FAM53B: variants seen among roughly 807,000 people sequenced by gnomAD.
The protein encoded by FAM53B is protein FAM53B.
In FAM53B, 12 loss-of-function variants were observed where a neutral mutation model predicts 32.7. That is an observed-to-expected ratio of 0.37 (90% CI 0.24 to 0.59). The LOEUF (loss-of-function observed/expected upper bound fraction) is 0.59. FAM53B is among the 20% of genes least tolerant of loss of function. The pLI is 0.72. For missense variants in FAM53B, 477 were observed against 577.7 expected, an observed-to-expected ratio of 0.83 and a Z score of 1.79; for synonymous variants, 234 against 228.7, an observed-to-expected ratio of 1.02 and a Z score of -0.21.
At chr10:124,709,822 T>G (rs1478969337) in intron 1 of FAM53B, among the ~76,000 whole-genome samples, 30 of 145,046 alleles carry the variant, frequency 2.1e-4, no homozygotes, top group African/African-American at 5.7e-4. Flanking sequence ...AGTGACAGAG[T>G]GAGTCTCTGC....
At chr10:124,726,053 C>T (rs1950100932) in intron 1 of FAM53B, among the ~76,000 whole-genome samples, 1 of 152,152 alleles carries the variant, frequency 6.6e-6, no homozygotes, top group African/African-American at 2.4e-5. Flanking sequence ...AAGTTTCAGT[C>T]CCCGACCCCA....
chr10:124,681,231 G>A (rs139056922), intron 4 of FAM53B, among the ~76,000 whole-genome samples: 67 of 152,268 alleles, frequency 4.4e-4, no homozygotes, highest in Middle Eastern at 3.4e-3. Flanking sequence ...GAACCCCAGT[G>A]TGTGTGTATA....
intron 4 of FAM53B, among the ~76,000 whole-genome samples, chr10:124,643,726 AAAACGTGATTTCCCC>A (rs1238634761): frequency 2.0e-5 from 3 of 152,214 alleles, no homozygotes; most frequent in Admixed American, 6.5e-5. Context: ...AGGCTAATTA[AAAACGTGATTTCCCC>A]CACAGGGCTG....
chr10:124,718,835 C>T (rs1950051570), intron 1 of FAM53B, among the ~76,000 whole-genome samples: 1 of 152,186 alleles, frequency 6.6e-6, no homozygotes, highest in Non-Finnish European at 1.5e-5. Flanking sequence ...AATGCTTGAG[C>T]CCAAGAGTTC....
At chr10:124,686,782 G>C (rs569160225) in intron 3 of FAM53B, among the ~76,000 whole-genome samples, 2 of 152,354 alleles carry the variant, frequency 1.3e-5, no homozygotes, top group East Asian at 3.9e-4. Flanking sequence ...AGCTACAAGA[G>C]GATGCGGTGT....
chr10:124,672,814 T>A (rs545371700), intron 4 of FAM53B, among the ~76,000 whole-genome samples: 13 of 152,136 alleles, frequency 8.5e-5, no homozygotes, highest in Non-Finnish European at 1.5e-4. Context: ...AAATCACAGA[T>A]GTGCAAGGAC....
intron 4 of FAM53B, among the ~76,000 whole-genome samples, chr10:124,678,393 A>C (rs1408263972): frequency 2.0e-5 from 3 of 152,256 alleles, no homozygotes; most frequent in African/African-American, 7.2e-5. Context: ...ATAGTGCATT[A>C]TCCACACATG....
At chr10:124,699,605 G>T (rs1339329722) in intron 2 of FAM53B, among the ~76,000 whole-genome samples, 4 of 152,234 alleles carry the variant, frequency 2.6e-5, no homozygotes, top group African/African-American at 4.8e-5. Context: ...ATGAAACCGC[G>T]CAGCCCAGTG....
chr10:124,712,824 A>T (rs1031708256), intron 1 of FAM53B, among the ~76,000 whole-genome samples: 1 of 152,222 alleles, frequency 6.6e-6, no homozygotes, highest in African/African-American at 2.4e-5. Context: ...CTTCACCAGG[A>T]TTTCCACTGA....
At chr10:124,670,617 C>T (rs2134062395) in intron 4 of FAM53B, among the ~76,000 whole-genome samples, 1 of 152,366 alleles carries the variant, frequency 6.6e-6, no homozygotes, top group African/African-American at 2.4e-5. Flanking sequence ...TCACCACACC[C>T]ACTCCCACCT....
At chr10:124,678,023 AAG>A (rs1949747496) in intron 4 of FAM53B, among the ~76,000 whole-genome samples, 1 of 152,244 alleles carries the variant, frequency 6.6e-6, no homozygotes, top group African/African-American at 2.4e-5. Context: ...AAGAAAAGCA[AAG>A]AGGCAAGAAG....
chr10:124,659,759 A>T (rs571270353), intron 4 of FAM53B, among the ~76,000 whole-genome samples: 1 of 152,222 alleles, frequency 6.6e-6, no homozygotes, highest in Non-Finnish European at 1.5e-5. Flanking sequence ...GGGCCAGAAG[A>T]TATCTGGCTG....
intron 4 of FAM53B, among the ~76,000 whole-genome samples, chr10:124,653,045 G>C (rs1949566180): frequency 6.6e-6 from 1 of 152,154 alleles, no homozygotes; most frequent in Non-Finnish European, 1.5e-5. Context: ...TGCCCTTGAG[G>C]CCAGGACAGC....
chr10:124,624,017 T>C (rs1454605966), intron 4 of FAM53B: 3 of 174,956 alleles, frequency 1.7e-5, no homozygotes, highest in African/African-American at 2.4e-5. Flanking sequence ...CATTCTAAGA[T>C]GTGTGTAAAA....
intron 3 of FAM53B, among the ~76,000 whole-genome samples, chr10:124,688,569 T>C (rs901918033): frequency 2.0e-5 from 3 of 152,226 alleles, no homozygotes; most frequent in African/African-American, 4.8e-5. Flanking sequence ...TGAGGTTTGA[T>C]GACTGAGCTT....
intron 1 of FAM53B, among the ~76,000 whole-genome samples, chr10:124,743,198 C>A (rs1265297971): frequency 6.6e-6 from 1 of 152,200 alleles, no homozygotes; most frequent in Non-Finnish European, 1.5e-5. Context: ...ACACAAACCG[C>A]AAACCCTCCC....
intron 4 of FAM53B, among the ~76,000 whole-genome samples, chr10:124,640,342 C>T (rs545641102): frequency 1.3e-5 from 2 of 152,216 alleles, no homozygotes; most frequent in Non-Finnish European, 2.9e-5. Flanking sequence ...TGTTCCTGAG[C>T]AGCCAAGCCT....
chr10:124,654,369 T>C (rs1044945257), intron 4 of FAM53B, among the ~76,000 whole-genome samples: 1 of 152,128 alleles, frequency 6.6e-6, no homozygotes, highest in African/African-American at 2.4e-5. Flanking sequence ...TGGACCACAC[T>C]GGAACATCAG....
intron 1 of FAM53B, among the ~76,000 whole-genome samples, chr10:124,726,273 G>A (rs952503816): frequency 6.6e-6 from 1 of 152,204 alleles, no homozygotes. Context: ...TTGGATGGGT[G>A]GCCTACTACC....
Sources: allele counts gnomAD v4.1 joint callset (sites outside exome capture counted in the v4.1 genomes callset), GRCh38; gene constraint gnomAD v4.1.1; transcripts MANE v1.5; gene names NCBI Gene and HGNC (gene_info 2026-07-23, HGNC 2026-07-21).